FHIT: variants seen among roughly 807,000 people sequenced by gnomAD.
The protein encoded by FHIT is bis(5'-adenosyl)-triphosphatase.
Under a neutral mutation model 17.9 loss-of-function variants are expected in FHIT, and 19 were observed. The ratio of observed to expected loss-of-function variants is 1.06; its 90% CI spans 0.74 to 1.56. The LOEUF is 1.56. Ranked by LOEUF, FHIT falls within the 40% of genes most tolerant of loss-of-function variation. FHIT has a pLI of 0.00. For synonymous variants in FHIT, 81 were observed against 69.7 expected, an observed-to-expected ratio of 1.16 and a Z score of -0.81; for missense variants, 248 against 189.2, an observed-to-expected ratio of 1.31 and a Z score of -1.82.
At chr3:60,900,116 G>A (rs542498189) in intron 3 of FHIT, among the ~76,000 whole-genome samples, 3 of 152,144 alleles carry the variant, frequency 2.0e-5, no homozygotes, top group South Asian at 4.1e-4. Context: ...ACTTTGTGAG[G>A]TCAGAAAGGC....
At chr3:59,958,773 C>T (rs925755112) in intron 7 of FHIT, among the ~76,000 whole-genome samples, 7 of 152,208 alleles carry the variant, frequency 4.6e-5, no homozygotes, top group African/African-American at 1.4e-4. Context: ...TTCTATGACT[C>T]TCTCCTTTTT....
intron 5 of FHIT, among the ~76,000 whole-genome samples, chr3:60,050,084 C>G (rs947772264): frequency 1.3e-5 from 2 of 152,036 alleles, no homozygotes; most frequent in Non-Finnish European, 2.9e-5. Flanking sequence ...CGTAAACTGC[C>G]CATTTATATC....
chr3:60,905,613 G>T (rs1263675751), intron 3 of FHIT, among the ~76,000 whole-genome samples: 1 of 152,112 alleles, frequency 6.6e-6, no homozygotes. Context: ...GTAGTCCTTT[G>T]TGTGAACAAC....
At chr3:60,623,372 T>C (rs997694984) in intron 4 of FHIT, among the ~76,000 whole-genome samples, 8 of 152,202 alleles carry the variant, frequency 5.3e-5, no homozygotes, top group African/African-American at 1.9e-4. Flanking sequence ...ATAGTCCCAC[T>C]TTACAGATGA....
chr3:59,857,353 G>A (rs994884520), intron 8 of FHIT, among the ~76,000 whole-genome samples: 1 of 152,008 alleles, frequency 6.6e-6, no homozygotes, highest in African/African-American at 2.4e-5. Context: ...ACAGATTCCA[G>A]GTCAGAATAT....
At chr3:60,261,033 T>C (rs1706268149) in intron 5 of FHIT, among the ~76,000 whole-genome samples, 1 of 152,168 alleles carries the variant, frequency 6.6e-6, no homozygotes, top group South Asian at 2.1e-4. Context: ...TCATGAATAA[T>C]CCACCCCTTG....
chr3:60,525,885 T>G (rs1477871785), intron 5 of FHIT, among the ~76,000 whole-genome samples: 3 of 152,118 alleles, frequency 2.0e-5, no homozygotes, highest in African/African-American at 7.2e-5. Context: ...GGTAGATTGC[T>G]TGAGCTCAGG....
At chr3:60,058,794 G>A (rs1702188922) in intron 5 of FHIT, among the ~76,000 whole-genome samples, 1 of 152,140 alleles carries the variant, frequency 6.6e-6, no homozygotes, top group Admixed American at 6.5e-5. Flanking sequence ...TAAATAACAT[G>A]ATCGATTTGT....
intron 5 of FHIT, among the ~76,000 whole-genome samples, chr3:60,184,200 G>T (rs886199862): frequency 4.0e-5 from 6 of 151,698 alleles, no homozygotes; most frequent in Admixed American, 2.0e-4. Flanking sequence ...TCCCAGACTG[G>T]TCTCAGACTC....
intron 2 of FHIT, among the ~76,000 whole-genome samples, chr3:61,099,464 T>G (rs1339452532): frequency 1.3e-5 from 2 of 152,100 alleles, no homozygotes; most frequent in East Asian, 3.9e-4. Context: ...CTCCTCAATT[T>G]TTTGGAATAG....
chr3:60,624,555 A>G (rs2039227861), intron 4 of FHIT, among the ~76,000 whole-genome samples: 3 of 152,212 alleles, frequency 2.0e-5, no homozygotes, highest in Non-Finnish European at 2.9e-5. Flanking sequence ...CAATGATTCC[A>G]AAAGTAAAAT....
At chr3:60,770,917 C>T (rs1022146369) in intron 4 of FHIT, among the ~76,000 whole-genome samples, 2 of 152,202 alleles carry the variant, frequency 1.3e-5, no homozygotes, top group African/African-American at 2.4e-5. Flanking sequence ...ATGCTCCTGA[C>T]CATATTTTCC....
rs1357935448 is a variant in FHIT at position 59,747,592 on chromosome 3, G to T, written c.*1993C>A. On this transcript the variant is annotated 3_prime_UTR_variant, in exon 10 of 10. Coordinates refer to ENST00000492590, the MANE Select transcript of FHIT (RefSeq NM_002012.4). Reference sequence around the variant, plus strand: ...AACATTAAGTCAAGAACATCTTTTTGGTCTTATAGTCTTTATTCTTATATA... The same window carrying T: ...AACATTAAGTCAAGAACATCTTTTTTGTCTTATAGTCTTTATTCTTATATA... Among the ~76,000 whole-genome samples, 1 of 152,002 alleles carries T rather than the reference G, an allele frequency of 6.6e-6. No homozygotes were observed. Among genetic ancestry groups the T allele is most frequent in the Non-Finnish European group, 1.5e-5 (1 of 67,990 alleles).
At chr3:60,537,513 C>A (rs1408604585) in intron 4 of FHIT, 5 of 960,766 alleles carry the variant, frequency 5.2e-6, no homozygotes, top group Non-Finnish European at 6.2e-6. Flanking sequence ...CTAGTAAAAT[C>A]TCCAAAATAA....
At chr3:60,776,507 A>G (rs2108085792) in intron 4 of FHIT, among the ~76,000 whole-genome samples, 1 of 152,346 alleles carries the variant, frequency 6.6e-6, no homozygotes, top group African/African-American at 2.4e-5. Context: ...TAAATAATGC[A>G]GGTCAGATGC....
At chr3:60,515,828 G>A (rs1166638983) in intron 5 of FHIT, among the ~76,000 whole-genome samples, 1 of 152,172 alleles carries the variant, frequency 6.6e-6, no homozygotes, top group African/African-American at 2.4e-5. Flanking sequence ...GTAACTGAAG[G>A]AAATCTAGGT....
chr3:59,985,996 G>A (rs528939767), intron 7 of FHIT, among the ~76,000 whole-genome samples: 5 of 152,132 alleles, frequency 3.3e-5, no homozygotes, highest in African/African-American at 7.2e-5. Context: ...AAGGATGGGG[G>A]AAGGAATGAG....
intron 3 of FHIT, among the ~76,000 whole-genome samples, chr3:61,039,472 G>C (rs1289719478): frequency 6.6e-6 from 1 of 152,126 alleles, no homozygotes; most frequent in Non-Finnish European, 1.5e-5. Flanking sequence ...ATCAATGACA[G>C]ACTGGATAAA....
At chr3:60,676,704 T>C (rs1383676267) in intron 4 of FHIT, among the ~76,000 whole-genome samples, 1 of 152,146 alleles carries the variant, frequency 6.6e-6, no homozygotes, top group African/African-American at 2.4e-5. Context: ...CTGGAAAATC[T>C]TGGGAGACCA....
Sources: gnomAD v4.1 joint callset for allele counts (sites outside exome capture counted in the v4.1 genomes callset) on GRCh38, gnomAD v4.1.1 for gene constraint, MANE v1.5 for transcripts, NCBI Gene and HGNC (gene_info 2026-07-23, HGNC 2026-07-21) for gene names.